The following DLG1 variants were observed in gnomAD, a reference collection of about 807,000 sequenced individuals.
DLG1 encodes discs large MAGUK scaffold protein 1.
DLG1 carries 42 observed loss-of-function variants against 123.4 expected under a neutral mutation model. That is an observed-to-expected ratio of 0.34 (90% CI 0.27 to 0.44). The LOEUF is 0.44. Ranked by LOEUF, DLG1 falls within the 20% of genes least tolerant of loss-of-function variation. The probability of loss-of-function intolerance (pLI) is 1.00; values close to 1 mark genes in which losing one functional copy is unlikely to be tolerated. For synonymous variants in DLG1, 317 were observed against 356.2 expected (o/e 0.89, Z 1.24); for missense variants, 942 against 1,082.6 (o/e 0.87, Z 1.82).
At chr3:197,255,031 G>C (rs1327329753) in intron 4 of DLG1, among the ~76,000 whole-genome samples, 1 of 152,084 alleles carries the variant, frequency 6.6e-6, no homozygotes, top group Non-Finnish European at 1.5e-5. Context: ...ATTCCAGCCT[G>C]GGTGACAAGA....
At position 197,211,817 on chromosome 3, in the gene DLG1, G is replaced by A. The variant is rs557023995; in HGVS notation, c.319-17228C>T. On this transcript the variant is annotated intron_variant, in intron 4 of 24. Transcript: ENST00000667157. Reference sequence around the variant, plus strand: ...AGACACATGTGCACAAACGTTCACTGCAGCACTACTCACAATAGCAAAGAC... The same window carrying A: ...AGACACATGTGCACAAACGTTCACTACAGCACTACTCACAATAGCAAAGAC... Among the ~76,000 whole-genome samples the A allele has an allele frequency of 1.2e-3, 180 of 146,288 alleles. 9 individuals are homozygous for A. The highest frequency in any genetic ancestry group is 3.4e-3 in the African/African-American group (140 of 41,166).
chr3:197,282,991 T>C (rs1770121498), intron 3 of DLG1, 146 bp from the exon 4 acceptor site: 2 of 488,892 alleles, frequency 4.1e-6, no homozygotes, highest in Non-Finnish European at 7.1e-6. Flanking sequence ...ACAGTGAATA[T>C]TATCTTATTT....
chr3:197,080,267 CTTTTTTTTTTTT>C (rs767056279), intron 17 of DLG1, among the ~76,000 whole-genome samples: 7 of 51,904 alleles, frequency 1.3e-4, no homozygotes, highest in East Asian at 1.6e-3. Context: ...GATATATTTC[CTTTTTTTTTTTT>C]TTTTTTTTTT....
intron 23 of DLG1, among the ~76,000 whole-genome samples, chr3:197,058,839 A>G (rs1248718485): frequency 6.6e-6 from 1 of 152,166 alleles, no homozygotes; most frequent in Non-Finnish European, 1.5e-5. Context: ...GTCAATTTTT[A>G]TTTTTTGTTT....
chr3:197,116,281 A>G (rs1773227282), intron 12 of DLG1, among the ~76,000 whole-genome samples, 198 bp from the exon 13 acceptor site: 2 of 152,250 alleles, frequency 1.3e-5, no homozygotes, highest in South Asian at 4.1e-4. Flanking sequence ...ATTTTATATA[A>G]AAGCAAAAAA....
intron 4 of DLG1, among the ~76,000 whole-genome samples, chr3:197,220,024 A>G (rs1427122142): frequency 6.6e-6 from 1 of 152,212 alleles, no homozygotes; most frequent in African/African-American, 2.4e-5. Context: ...TTAATACTCT[A>G]AAAAGTTTTA....
At chr3:197,180,367 C>T (rs943090665) in intron 5 of DLG1, among the ~76,000 whole-genome samples, 3 of 151,944 alleles carry the variant, frequency 2.0e-5, no homozygotes, top group African/African-American at 4.8e-5. Flanking sequence ...CTAAGTAGGA[C>T]GGGGCCGATT....
chr3:197,076,743 GC>G, intron 17 of DLG1, 58 bp from the exon 18 acceptor site: 6 of 1,311,136 alleles, frequency 4.6e-6, no homozygotes, highest in Non-Finnish European at 6.6e-6. Context: ...GTGTACAAAG[GC>G]CCAGCCTAGC....
rs1162429086 is a variant in DLG1, at chr3:197,069,994, TAAA to T, written c.2006-737_2006-735del. ...GGCACTGGCTGGCTTTTGCAAAACA[TAAA>T]AAAGACAATGAGAACAAACACACCC... On this transcript the variant is annotated intron_variant, in intron 18 of 24. Coordinates refer to ENST00000667157, the MANE Select transcript of DLG1 (RefSeq NM_001366207.1). The T allele has an allele frequency of 1.8e-4, 28 of 152,082 alleles. 1 individual carries two copies. Among genetic ancestry groups the T allele is most frequent in the Admixed American group, 1.8e-3 (28 of 15,260 alleles). 9.4% of individuals were successfully genotyped at this position (152,082 alleles called of 1,614,324 possible). A position where few individuals can be genotyped will look rare whatever the true frequency, so the allele number is the denominator to read the frequency against.
intron 4 of DLG1, among the ~76,000 whole-genome samples, chr3:197,250,855 G>A (rs750349152): frequency 4.0e-5 from 6 of 150,356 alleles, no homozygotes; most frequent in Admixed American, 6.7e-5. Context: ...TTAGCCAGGC[G>A]CAGTGGCAGG....
intron 4 of DLG1, among the ~76,000 whole-genome samples, chr3:197,213,712 G>A (rs1732499649): frequency 2.0e-5 from 3 of 152,190 alleles, no homozygotes; most frequent in Admixed American, 6.5e-5. Flanking sequence ...AAATGCTACT[G>A]AAGTGAATAA....
At chr3:197,163,524 A>T (rs1799710385) in intron 5 of DLG1, among the ~76,000 whole-genome samples, 1 of 140,444 alleles carries the variant, frequency 7.1e-6, no homozygotes, top group African/African-American at 2.6e-5. Context: ...AATGGGTATG[A>T]TTTTTTTTTT....
chr3:197,290,888 T>A (rs1774494964), intron 3 of DLG1, among the ~76,000 whole-genome samples: 1 of 105,148 alleles, frequency 9.5e-6, no homozygotes, highest in African/African-American at 3.6e-5. Context: ...AGACCCTGTC[T>A]CCAAATAGTA....
intron 6 of DLG1, among the ~76,000 whole-genome samples, chr3:197,149,135 C>G (rs760407527): frequency 1.3e-5 from 2 of 152,126 alleles, no homozygotes; most frequent in Non-Finnish European, 2.9e-5. Context: ...GTTGTGCCAT[C>G]ATCATTACTT....
At chr3:197,066,035 A>G (rs1236980253) in intron 20 of DLG1, among the ~76,000 whole-genome samples, 1 of 152,206 alleles carries the variant, frequency 6.6e-6, no homozygotes, top group Non-Finnish European at 1.5e-5. Context: ...TGATAATTCA[A>G]TCAAGTTAAA....
intron 4 of DLG1, among the ~76,000 whole-genome samples, chr3:197,271,909 C>CA (rs1214266756): frequency 6.6e-6 from 1 of 152,116 alleles, no homozygotes; most frequent in Non-Finnish European, 1.5e-5. Context: ...TAGGTGAAGG[C>CA]AAAAAACTGT....
chr3:197,203,943 T>C (rs936998902), intron 4 of DLG1, among the ~76,000 whole-genome samples: 2 of 152,290 alleles, frequency 1.3e-5, no homozygotes, highest in African/African-American at 4.8e-5. Flanking sequence ...ATCTATCCTA[T>C]GCAAAGAGTC....
chr3:197,158,517 C>A lies in DLG1; in HGVS notation c.484-8721G>T, dbSNP rs377131096. Reference sequence around the variant, plus strand: ...GGCGTGGTGGCACATGCCTGTAATCCCAGCTACTCGGGAGGCTGAGGCAGG... The same window carrying A: ...GGCGTGGTGGCACATGCCTGTAATCACAGCTACTCGGGAGGCTGAGGCAGG... On this transcript the variant is annotated intron_variant, in intron 5 of 24. Transcript: ENST00000667157. Among the ~76,000 whole-genome samples, 90 of 150,570 alleles carry A rather than the reference C, an allele frequency of 6.0e-4. 2 individuals carry two copies. In the South Asian group the frequency reaches 0.018, roughly 31 times the overall value.
At chr3:197,107,253 T>C (rs1038350863) in intron 13 of DLG1, among the ~76,000 whole-genome samples, 1 of 152,128 alleles carries the variant, frequency 6.6e-6, no homozygotes, top group African/African-American at 2.4e-5. Context: ...CCATTAAAAA[T>C]GGATATACTG....
Sources: gnomAD v4.1 joint callset for allele counts (sites outside exome capture counted in the v4.1 genomes callset) on GRCh38, gnomAD v4.1.1 for gene constraint, MANE v1.5 for transcripts, NCBI Gene and HGNC (gene_info 2026-07-23, HGNC 2026-07-21) for gene names.